The following KLRF1 variants were observed in gnomAD, a reference collection of about 807,000 sequenced individuals.
KLRF1 encodes killer cell lectin like receptor F1, also known as killer cell lectin-like receptor subfamily F member 1.
A neutral mutation model predicts 30.7 loss-of-function variants in KLRF1; 27 were observed. That is an observed-to-expected ratio of 0.88 (90% CI 0.65 to 1.21). KLRF1 has a LOEUF of 1.21. KLRF1 is among the 50% of genes most tolerant of loss of function. The probability of loss-of-function intolerance (pLI) is 0.00; values close to 1 mark genes in which losing one functional copy is unlikely to be tolerated. For synonymous variants in KLRF1, 92 were observed against 89.3 expected (o/e 1.03, Z -0.17); for missense variants, 246 against 259.3 (o/e 0.95, Z 0.35).
the KLRF1 span, among the ~76,000 whole-genome samples, chr12:9,816,588 A>ATT: frequency 6.6e-6 from 1 of 150,908 alleles, no homozygotes; most frequent in Non-Finnish European, 1.5e-5. Context: ...CTATTTTTTG[A>ATT]TTACATGGCT....
chr12:9,824,428 G>A (rs113122761), upstream of KLRF1, among the ~76,000 whole-genome samples: 1,808 of 152,254 alleles, frequency 0.012, 27 homozygotes, highest in African/African-American at 0.042. Flanking sequence ...ACGCTTTCAT[G>A]TTAAAATCAC....
At chr12:9,830,276 C>T (rs1426086001) in intron 1 of KLRF1, among the ~76,000 whole-genome samples, 1 of 152,012 alleles carries the variant, frequency 6.6e-6, no homozygotes, top group African/African-American at 2.4e-5. Flanking sequence ...ATAAATGCAG[C>T]TACTATTTTT....
the KLRF1 span, among the ~76,000 whole-genome samples, chr12:9,812,976 C>G: frequency 6.6e-6 from 1 of 152,146 alleles, no homozygotes; most frequent in Non-Finnish European, 1.5e-5. Flanking sequence ...CATTCATCAT[C>G]AAGAGGTAAA....
chr12:9,819,341 G>C, the KLRF1 span, among the ~76,000 whole-genome samples: 2 of 152,152 alleles, frequency 1.3e-5, no homozygotes, highest in African/African-American at 4.8e-5. Flanking sequence ...CACAGGATAA[G>C]ACCCTCTGGC....
chr12:9,810,072 A>C, the KLRF1 span, among the ~76,000 whole-genome samples: 1 of 152,210 alleles, frequency 6.6e-6, no homozygotes, highest in South Asian at 2.1e-4. Flanking sequence ...ACATCTGAAT[A>C]GTGAGTGTCA....
intron 1 of KLRF1, among the ~76,000 whole-genome samples, chr12:9,829,724 A>G (rs1365004779): frequency 6.6e-6 from 1 of 152,196 alleles, no homozygotes; most frequent in East Asian, 1.9e-4. Flanking sequence ...GTGCCACTGC[A>G]CTCCAACCTG....
chr12:9,817,131 A>G, the KLRF1 span, among the ~76,000 whole-genome samples: 1 of 152,214 alleles, frequency 6.6e-6, no homozygotes, highest in Non-Finnish European at 1.5e-5. Flanking sequence ...TACCCTGTCA[A>G]GGGCACAGAA....
chr12:9,820,290 T>C, the KLRF1 span, among the ~76,000 whole-genome samples: 1 of 152,040 alleles, frequency 6.6e-6, no homozygotes, highest in Non-Finnish European at 1.5e-5. Context: ...GGGACTGGAG[T>C]GGACTCCCAG....
At chr12:9,834,679 G>A (rs912013012) in intron 3 of KLRF1, among the ~76,000 whole-genome samples, 2 of 152,078 alleles carry the variant, frequency 1.3e-5, no homozygotes, top group Non-Finnish European at 2.9e-5. Flanking sequence ...AGGTATTAAA[G>A]GACTAAGAAT....
intron 3 of KLRF1, among the ~76,000 whole-genome samples, chr12:9,839,154 T>C (rs1867649999): frequency 6.6e-6 from 1 of 151,984 alleles, no homozygotes; most frequent in South Asian, 2.1e-4. Flanking sequence ...AAGACTGAGA[T>C]CATGGTGCCA....
At chr12:9,835,257 A>T (rs1415901921) in intron 3 of KLRF1, among the ~76,000 whole-genome samples, 1 of 152,082 alleles carries the variant, frequency 6.6e-6, no homozygotes, top group Non-Finnish European at 1.5e-5. Context: ...GGAAGAAGAG[A>T]CCTTGTGCGA....
At chr12:9,842,202 T>A (rs954930549) in intron 4 of KLRF1, 119 bp from the exon 5 acceptor site, 3 of 1,024,534 alleles carry the variant, frequency 2.9e-6, no homozygotes, top group Non-Finnish European at 4.2e-6. Flanking sequence ...AAGTAAGATA[T>A]GAATTGATTA....
At chr12:9,810,201 C>G in the KLRF1 span, among the ~76,000 whole-genome samples, 240 of 152,270 alleles carry the variant, frequency 1.6e-3, no homozygotes, top group African/African-American at 5.6e-3. Context: ...TTGATGTTCT[C>G]ATAGTCAAAT....
chr12:9,833,436 A>G lies in KLRF1; in HGVS notation c.318A>G (p.Arg106=), dbSNP rs373384705. Residue 106 remains arginine, a synonymous_variant, in exon 3 of 6, where the codon AGA becomes AGG. Transcript: ENST00000617889. ...NISNKDLCAS[R]SADQTVLCQS... ...GTAATAAGGACCTTTGTGCTTCGAG[A>G]TCTGCAGACCAGACAGGTATGTCTC... is the stretch of plus-strand genomic sequence containing the variant. The G allele has an allele frequency of 5.0e-6, 8 of 1,608,228 alleles. No individual in the cohort carries two copies. In the African/African-American group the frequency reaches 9.4e-5, roughly 19 times the overall value.
the KLRF1 span, among the ~76,000 whole-genome samples, chr12:9,820,825 G>A: frequency 0.017 from 2,613 of 152,202 alleles, 64 homozygotes; most frequent in African/African-American, 0.059. Flanking sequence ...AGAACAAAGG[G>A]CCTAGTGACC....
At chr12:9,803,880 A>G in the KLRF1 span, among the ~76,000 whole-genome samples, 6 of 151,978 alleles carry the variant, frequency 3.9e-5, no homozygotes, top group Admixed American at 3.3e-4. Context: ...TGTCAGTCCA[A>G]ATTTGTTCTT....
At chr12:9,831,367 T>C (rs1867424202) in intron 1 of KLRF1, among the ~76,000 whole-genome samples, 1 of 152,182 alleles carries the variant, frequency 6.6e-6, no homozygotes, top group Non-Finnish European at 1.5e-5. Flanking sequence ...GGGTTCATCA[T>C]GTGCTTTCTT....
chr12:9,844,444 A>G lies in KLRF1; in HGVS notation c.614A>G (p.Glu205Gly). The change falls in exon 6 of 6, where the codon GAA becomes GGA. Residue 205 changes from glutamate to glycine, a missense_variant. By Grantham distance (98) the Glu-to-Gly change is moderately conservative. Transcript: ENST00000617889. ...KIFFIKGPAK[E>G]NSCAAIKESK... is the part of the protein sequence containing the mutation. The stretch of plus-strand genomic sequence containing the variant: ...TTCTTCATAAAGGGACCAGCTAAAG[A>G]AAACAGCTGTGCTGCCATTAAGGAA... 6.2e-7 allele frequency: 1 copy of G among 1,606,354 alleles called. No individual in the cohort carries two copies. The highest frequency in any genetic ancestry group is 8.5e-7 in the Non-Finnish European group (1 of 1,173,602).
intron 3 of KLRF1, among the ~76,000 whole-genome samples, chr12:9,838,970 A>G (rs1002145993): frequency 6.6e-6 from 1 of 152,114 alleles, no homozygotes; most frequent in Non-Finnish European, 1.5e-5. Context: ...TTATATATTA[A>G]AACTTTAATT....
Sources: gnomAD v4.1 joint callset for allele counts (sites outside exome capture counted in the v4.1 genomes callset) on GRCh38, gnomAD v4.1.1 for gene constraint, MANE v1.5 for transcripts, NCBI Gene and HGNC (gene_info 2026-07-23, HGNC 2026-07-21) for gene names.